Variants in FBN3 observed in about 807,000 individuals in gnomAD.
FBN3 encodes the protein fibrillin-3.
A neutral mutation model predicts 330.1 loss-of-function variants in FBN3; 234 were observed. The observed-to-expected ratio is 0.71, with a 90% CI of 0.64 to 0.79. The LOEUF is 0.79. FBN3 is among the 30% of genes least tolerant of loss of function. FBN3 has a pLI of 0.00. For missense variants in FBN3, 3,606 were observed against 3,886.9 expected (o/e 0.93, Z 1.92); for synonymous variants, 1,458 against 1,517.3 (o/e 0.96, Z 0.91).
At position 8,131,772 on chromosome 19, in the gene FBN3, T is replaced by G; in HGVS notation, c.1772A>C (p.Glu591Ala). 6.2e-7 allele frequency: 1 copy of G among 1,613,084 alleles called. No individual in the cohort carries two copies. The highest frequency in any genetic ancestry group is 8.5e-7 in the Non-Finnish European group (1 of 1,179,594). The change falls in exon 15 of 64, where the codon GAG becomes GCG. Residue 591 changes from glutamate (E) to alanine (A), a missense_variant. By Grantham distance (107) the Glu-to-Ala change is moderately radical. Coordinates refer to ENST00000600128, the MANE Select transcript of FBN3 (RefSeq NM_032447.5). The surrounding 1 kb of genome is among the most constrained non-coding windows in gnomAD (Gnocchi z 4.5). ...CAGGCACTGGCAGCGGAAGGAGCCC[T>G]CGGTGTTGGTACAGTGGCCGTTCAC... ...ICVNGHCTNTEGSFRCQCLGG... is the reference protein window; with the variant it reads ...ICVNGHCTNTAGSFRCQCLGG...
intron 13 of FBN3, among the ~76,000 whole-genome samples, chr19:8,135,044 T>C (rs2083247147): frequency 6.6e-6 from 1 of 151,438 alleles, no homozygotes; most frequent in Non-Finnish European, 1.5e-5. Context: ...AGTGATGCAA[T>C]CACAGCTCAC....
chr19:8,135,936 G>GGGCACCCCCCCCCCCCCCCCC, intron 13 of FBN3, 25 bp downstream of exon 13: 1 of 668,778 alleles, frequency 1.5e-6, no homozygotes, highest in South Asian at 1.6e-5. Context: ...GGAAGCCCCT[G>GGGCACCCCCCCCCCCCCCCCC]CCCACCCGCC....
chr19:8,096,013 G>A lies in FBN3; in HGVS notation c.5607C>T (p.Asn1869=), dbSNP rs12150963. Residue 1869 remains asparagine, a synonymous_variant, in exon 45 of 64, where the codon AAC becomes AAT. Coordinates refer to ENST00000600128, the MANE Select transcript of FBN3 (RefSeq NM_032447.5). The surrounding 1 kb of genome is among the most constrained non-coding windows in gnomAD (Gnocchi z 4.6). ...GTCKNIIGSY[N]CLCFPGFVVT... is the part of the protein sequence containing the mutation. ...CCACAAAGCCAGGGAAGCAGAGGCA[G>A]TTGTAGGAGCCAATGATGTTCTTGC... 1 of 1,613,912 alleles carries A rather than the reference G, an allele frequency of 6.2e-7. No homozygotes were observed. Among genetic ancestry groups the A allele is most frequent in the Non-Finnish European group, 8.5e-7 (1 of 1,179,898 alleles).
chr19:8,066,143 G>A lies in FBN3; in HGVS notation c.8206C>T (p.Arg2736Trp), dbSNP rs143551340. The change falls in exon 64 of 64, where the codon CGG becomes TGG. Residue 2736 changes from arginine to tryptophan, a missense_variant. Arg to Trp is a moderately radical substitution (Grantham distance 101). Coordinates refer to ENST00000600128, the MANE Select transcript of FBN3 (RefSeq NM_032447.5). Reference sequence around the variant, plus strand: ...CCGCGGACGATGACGTAGCGGATCCGGCCCTCTAGACCCTCCAGGGCCGGC... The same window carrying A: ...CCGCGGACGATGACGTAGCGGATCCAGCCCTCTAGACCCTCCAGGGCCGGC... The part of the protein sequence containing the change: ...LRPALEGLEG[R>W]IRYVIVRGNE... 1.0e-4 allele frequency: 161 copies of A among 1,613,468 alleles called. No homozygotes were observed. In the African/African-American group the frequency reaches 1.7e-3, roughly 17 times the overall value.
Position 8,136,170 on chromosome 19 carries a change from T to C in FBN3, c.1465+20A>G. On this transcript the variant is annotated intron_variant, in intron 12 of 63. Coordinates refer to ENST00000600128, the MANE Select transcript of FBN3 (RefSeq NM_032447.5). ...GAACCCCCAACAACATCACCCCTAC[T>C]CTTGGATGGACAGCCGTACCCACGC... 6.2e-7 allele frequency: 1 copy of C among 1,613,362 alleles called. No homozygotes were observed. Among genetic ancestry groups the C allele is most frequent in the South Asian group, 1.1e-5 (1 of 91,002 alleles).
At chr19:8,133,369 G>T (rs1019547836) in intron 13 of FBN3, among the ~76,000 whole-genome samples, 2 of 152,178 alleles carry the variant, frequency 1.3e-5, no homozygotes, top group African/African-American at 2.4e-5. Context: ...GAATAAACGT[G>T]GTGGTTTTTG....
intron 3 of FBN3, among the ~76,000 whole-genome samples, 163 bp from the exon 4 acceptor site, chr19:8,146,388 C>T (rs1010068239): frequency 7.9e-5 from 12 of 152,210 alleles, no homozygotes; most frequent in African/African-American, 2.9e-4. Context: ...ATGGGATGTC[C>T]CCCCACTCTC....
At position 8,091,491 on chromosome 19, in the gene FBN3, A is replaced by T. The variant is rs1443547140; in HGVS notation, c.6005T>A (p.Leu2002His). The T allele has an allele frequency of 6.2e-7, 1 of 1,614,048 alleles. No individual in the cohort carries two copies. Among genetic ancestry groups the T allele is most frequent in the East Asian group, 2.2e-5 (1 of 44,898 alleles). Residue 2002 changes from leucine (L) to histidine (H), a missense_variant, in exon 48 of 64, where the codon CTC becomes CAC. Leu to His is a moderately conservative substitution (Grantham distance 99). Transcript: ENST00000600128. ...AAAGCAACGGTGCCCATTGTCAGAG[A>T]GGACAAAGCCAGGTGGGCAGAGGCA... Reference protein sequence around the residue: ...FQCLCPPGFVLSDNGHRCFDT... With the variant: ...FQCLCPPGFVHSDNGHRCFDT...
chr19:8,095,490 A>C lies in FBN3; in HGVS notation c.5670T>G (p.Cys1890Trp). ...HNGDCVDFDECTTLVGQVCRF... is the reference protein window; with the variant it reads ...HNGDCVDFDEWTTLVGQVCRF... ...GGCACACCTGCCCCACCAGGGTAGT[A>C]CACTCATCAAAATCTGTAGAGGGGA... Residue 1890 changes from cysteine to tryptophan, a missense_variant, in exon 46 of 64, where the codon TGT becomes TGG. By Grantham distance (215) the Cys-to-Trp change is radical. Transcript: ENST00000600128. The C allele has an allele frequency of 6.2e-7, 1 of 1,613,594 alleles. No individual in the cohort carries two copies. The highest frequency in any genetic ancestry group is 8.5e-7 in the Non-Finnish European group (1 of 1,179,682).
intron 59 of FBN3, among the ~76,000 whole-genome samples, chr19:8,076,407 C>A (rs1423557444): frequency 6.6e-6 from 1 of 152,048 alleles, no homozygotes; most frequent in Non-Finnish European, 1.5e-5. Flanking sequence ...CCTAGGGAGC[C>A]TCCGGATCAC....
chr19:8,110,691 G>T (rs545893834), intron 34 of FBN3, among the ~76,000 whole-genome samples, 154 bp downstream of exon 34: 3 of 152,314 alleles, frequency 2.0e-5, no homozygotes, highest in South Asian at 4.1e-4. Flanking sequence ...AACGGGAAAT[G>T]ATGGGGACAT....
chr19:8,081,514 T>C, intron 57 of FBN3, 34 bp from the exon 58 acceptor site: 1 of 1,564,868 alleles, frequency 6.4e-7, no homozygotes, highest in Non-Finnish European at 8.6e-7. Flanking sequence ...TGGGGCGGGG[T>C]TAGACAGACA....
At chr19:8,118,801 AC>A (rs1363531624) in intron 26 of FBN3, 95 bp downstream of exon 26, 1 of 1,453,554 alleles carries the variant, frequency 6.9e-7, no homozygotes, top group African/African-American at 1.4e-5. Context: ...ACACATGCCC[AC>A]CCTCTCACTC....
intron 63 of FBN3, among the ~76,000 whole-genome samples, chr19:8,068,390 CA>C (rs71165268): frequency 3.4e-4 from 46 of 137,206 alleles, no homozygotes; most frequent in Admixed American, 6.8e-4. Context: ...GACTCCGTCT[CA>C]AAAAAAAAAA....
At chr19:8,141,450 G>A (rs531829395) in intron 8 of FBN3, among the ~76,000 whole-genome samples, 7 of 151,924 alleles carry the variant, frequency 4.6e-5, no homozygotes, top group East Asian at 1.9e-4. Flanking sequence ...CCAGCCCCTC[G>A]GTTCACTCAG....
chr19:8,072,461 T>G (rs2081537291), intron 62 of FBN3, among the ~76,000 whole-genome samples: 1 of 152,030 alleles, frequency 6.6e-6, no homozygotes, highest in Non-Finnish European at 1.5e-5. Context: ...GATGGATGAA[T>G]GGACATGAGC....
chr19:8,132,690 C>T (rs1272541846), intron 14 of FBN3, among the ~76,000 whole-genome samples: 1 of 151,682 alleles, frequency 6.6e-6, no homozygotes, highest in Non-Finnish European at 1.5e-5. Context: ...TGGGGTTTCA[C>T]CATTTTGGCC....
Position 8,129,478 on chromosome 19 carries a change from A to G in FBN3, c.2045-113T>C. ...TCTAGAAGTCAGATTCCCCAAGGCC[A>G]TAGCTCCAGCCCAGACCCGGCCTCA... On this transcript the variant is annotated intron_variant, in intron 16 of 63. Transcript: ENST00000600128. This position sits in a 1 kb window ranked among gnomAD's most constrained non-coding sequence, Gnocchi z 4.5. 7.0e-7 allele frequency: 1 copy of G among 1,431,490 alleles called. No homozygotes were observed. Among genetic ancestry groups the G allele is most frequent in the Non-Finnish European group, 9.6e-7 (1 of 1,046,336 alleles). The allele number at this position is 1,431,490 out of a possible 1,614,324, so 88.7% of individuals were successfully genotyped here.
chr19:8,133,743 C>T (rs149219271), intron 13 of FBN3, among the ~76,000 whole-genome samples: 9,376 of 152,000 alleles, frequency 0.062, 391 homozygotes, highest in East Asian at 0.23. Flanking sequence ...TGAGCCACCG[C>T]GCCCAACCTC....
Sources: allele counts gnomAD v4.1 joint callset (sites outside exome capture counted in the v4.1 genomes callset), GRCh38; gene constraint gnomAD v4.1.1; non-coding constraint Gnocchi (gnomAD v3.1); transcripts MANE v1.5; gene names NCBI Gene and HGNC (gene_info 2026-07-23, HGNC 2026-07-21).